Variants in HMCN1 observed in about 807,000 individuals in gnomAD.
HMCN1 encodes the protein hemicentin-1.
In HMCN1, 321 loss-of-function variants were observed where a neutral mutation model predicts 625.9. The ratio of observed to expected loss-of-function variants is 0.51; its 90% CI spans 0.47 to 0.56. The LOEUF is 0.56. Ranked by LOEUF, HMCN1 falls within the 20% of genes least tolerant of loss-of-function variation. The pLI, the probability that HMCN1 is intolerant of heterozygous loss-of-function variation, is 0.00. For missense variants in HMCN1, 6,588 were observed against 6,887.3 expected, an observed-to-expected ratio of 0.96 and a Z score of 1.54; for synonymous variants, 2,425 against 2,417.6, an observed-to-expected ratio of 1.00 and a Z score of -0.09.
intron 1 of HMCN1, among the ~76,000 whole-genome samples, chr1:185,832,874 T>A (rs181466332): frequency 4.5e-4 from 69 of 152,350 alleles, no homozygotes; most frequent in African/African-American, 1.6e-3. Flanking sequence ...TCTAATTTAC[T>A]TAATTTATAA....
intron 4 of HMCN1, among the ~76,000 whole-genome samples, chr1:185,905,632 T>A (rs949930626): frequency 6.6e-6 from 1 of 151,852 alleles, no homozygotes; most frequent in Non-Finnish European, 1.5e-5. Flanking sequence ...CTATTCCTAA[T>A]GTCTTATCAT....
Position 186,045,798 on chromosome 1 carries a change from A to G in HMCN1, c.6415A>G (p.Lys2139Glu). Residue 2139 changes from lysine (K) to glutamate (E), a missense_variant, in exon 41 of 107, where the codon AAA (lysine) becomes GAA (glutamate). Lys to Glu is a moderately conservative substitution (Grantham distance 56). Transcript: ENST00000271588. ...TCCCCCACCTACTCTTACTTGGTTAAAAGACGGCCACCCCTTGCTGAAGAA... is the reference window on the plus strand; with the variant it reads ...TCCCCCACCTACTCTTACTTGGTTAGAAGACGGCCACCCCTTGCTGAAGAA... ...AIPPPTLTWLKDGHPLLKKPG... is the reference protein window; with the variant it reads ...AIPPPTLTWLEDGHPLLKKPG... 1 of 1,613,248 alleles carries G rather than the reference A, an allele frequency of 6.2e-7. No individual in the cohort carries two copies. Among genetic ancestry groups the G allele is most frequent in the Non-Finnish European group, 8.5e-7 (1 of 1,179,388 alleles).
chr1:185,784,958 A>T (rs963521599), intron 1 of HMCN1, among the ~76,000 whole-genome samples: 25 of 152,176 alleles, frequency 1.6e-4, no homozygotes, highest in South Asian at 4.1e-4. Flanking sequence ...ATCATAGAGT[A>T]TGTACTCATT....
chr1:185,982,119 C>A, intron 17 of HMCN1, 143 bp from the exon 18 acceptor site: 1 of 827,816 alleles, frequency 1.2e-6, no homozygotes, highest in Non-Finnish European at 2.1e-6. Context: ...CTTTCAAAAT[C>A]ATACCCATTT....
rs1454982726 is a variant in HMCN1, at chr1:186,088,282, G to A, written c.9577+6G>A. On this transcript the variant is annotated splice_donor_region_variant and intron_variant, in intron 62 of 106. Coordinates refer to ENST00000271588, the MANE Select transcript of HMCN1 (RefSeq NM_031935.3). ...AAAGAACCACAAGCGCATAGGTAAG[G>A]CAACCATGCATTTTTGTGTGTGTGT... The A allele has an allele frequency of 6.2e-7, 1 of 1,612,472 alleles. No individual in the cohort carries two copies. The highest frequency in any genetic ancestry group is 8.5e-7 in the Non-Finnish European group (1 of 1,179,018).
chr1:185,813,545 T>C (rs999662480), intron 1 of HMCN1, among the ~76,000 whole-genome samples: 6 of 152,146 alleles, frequency 3.9e-5, no homozygotes, highest in African/African-American at 1.4e-4. Context: ...AAAAGGTATA[T>C]ATAATATATG....
intron 37 of HMCN1, 52 bp from the exon 38 acceptor site, chr1:186,038,777 A>T (rs1264283515): frequency 1.9e-6 from 2 of 1,063,672 alleles, no homozygotes; most frequent in Non-Finnish European, 2.9e-6. Context: ...AACTTAGTAT[A>T]TTTAATTTAA....
intron 68 of HMCN1, among the ~76,000 whole-genome samples, chr1:186,097,910 A>G (rs567292888): frequency 6.5e-4 from 99 of 152,304 alleles, no homozygotes; most frequent in African/African-American, 2.2e-3. Context: ...ATCTACAGCC[A>G]CCTGATTTTT....
At chr1:185,826,187 A>G (rs1315306059) in intron 1 of HMCN1, among the ~76,000 whole-genome samples, 1 of 152,212 alleles carries the variant, frequency 6.6e-6, no homozygotes, top group Non-Finnish European at 1.5e-5. Context: ...CAATTCCTGA[A>G]TGTATAAAAC....
At chr1:186,153,232 T>C (rs1218973276) in intron 96 of HMCN1, among the ~76,000 whole-genome samples, 1 of 152,210 alleles carries the variant, frequency 6.6e-6, no homozygotes. Context: ...TGTTTATTCA[T>C]GACCTATAAC....
intron 73 of HMCN1, 67 bp from the exon 74 acceptor site, chr1:186,114,752 C>T: frequency 1.9e-6 from 3 of 1,574,020 alleles, no homozygotes; most frequent in Non-Finnish European, 2.6e-6. Flanking sequence ...TAACATTTCC[C>T]TCAGTCAAAA....
chr1:186,090,175 A>G (rs1466595114), intron 63 of HMCN1, among the ~76,000 whole-genome samples: 1 of 87,834 alleles, frequency 1.1e-5, no homozygotes, highest in African/African-American at 9.8e-5. Flanking sequence ...TTTATTACGC[A>G]ATATTTCTCA....
chr1:186,088,839 G>A, intron 63 of HMCN1, 84 bp downstream of exon 63: 2 of 1,316,676 alleles, frequency 1.5e-6, no homozygotes, highest in Non-Finnish European at 2.1e-6. Flanking sequence ...AAAGGTATCA[G>A]TAGTAATTGA....
At position 186,148,900 on chromosome 1, in the gene HMCN1, C is replaced by CACATGTCA. The variant is rs1164892784; in HGVS notation, c.14609-2299_14609-2292dup. 7.2e-5 allele frequency among the ~76,000 whole-genome samples: 11 copies of CACATGTCA among 151,926 alleles called. No homozygotes were observed. In the East Asian group the frequency reaches 2.1e-3, roughly 29 times the overall value. On this transcript the variant is annotated intron_variant, in intron 93 of 106. Coordinates refer to ENST00000271588, the MANE Select transcript of HMCN1 (RefSeq NM_031935.3). ...CCATTAGACCTCTGCAGTGAACATT[C>CACATGTCA]ACATGTCAGTGGGCAGTAATACTTT... is the stretch of plus-strand genomic sequence containing the variant.
rs755615594 is a variant in HMCN1, at chr1:186,053,952, G to A, written c.6828G>A (p.Gly2276=). 6.2e-6 allele frequency: 10 copies of A among 1,612,552 alleles called. No homozygotes were observed. The Admixed American group carries it at 1.2e-4, about 19-fold the overall frequency. ...CATGTGTGGCGTCGAATGTTGCTGG[G>A]ACTGCAAAGAAAGAATACAATCTGC... ...LYSCVASNVA[G]TAKKEYNLQV... is the part of the protein sequence containing the mutation. The change falls in exon 44 of 107, where the codon GGG becomes GGA. Residue 2276 remains glycine, a synonymous_variant. Transcript: ENST00000271588.
chr1:186,088,872 A>C, intron 63 of HMCN1, 117 bp downstream of exon 63: 1 of 982,008 alleles, frequency 1.0e-6, no homozygotes, highest in Non-Finnish European at 1.5e-6. Flanking sequence ...TTAGATCATC[A>C]AAAACTATCA....
Position 186,093,504 on chromosome 1 carries a change from G to A in HMCN1, c.10031G>A (p.Gly3344Asp), listed in dbSNP as rs1410211778. The A allele has an allele frequency of 1.2e-6, 2 of 1,613,230 alleles. No homozygotes were observed. The highest frequency in any genetic ancestry group is 8.5e-7 in the Non-Finnish European group (1 of 1,179,484). The change falls in exon 66 of 107, where the codon GGT becomes GAT. Residue 3344 changes from glycine to aspartate, a missense_variant. Gly to Asp is a moderately conservative substitution (Grantham distance 94, BLOSUM62 -1). Coordinates refer to ENST00000271588, the MANE Select transcript of HMCN1 (RefSeq NM_031935.3). ...LNVYVTPTIR[G>D]NKDEAEKLMT... ...AACATAGTTACACCTACAATTAGGG[G>A]TAATAAAGATGAAGCAGAGAAACTA...
intron 6 of HMCN1, among the ~76,000 whole-genome samples, chr1:185,914,090 T>A (rs1326478956): frequency 6.6e-6 from 1 of 152,144 alleles, no homozygotes; most frequent in Non-Finnish European, 1.5e-5. Flanking sequence ...AGTGTAGGAT[T>A]AGTGCTAACA....
At chr1:185,763,740 T>C (rs974854067) in intron 1 of HMCN1, among the ~76,000 whole-genome samples, 1 of 152,196 alleles carries the variant, frequency 6.6e-6, no homozygotes, top group Admixed American at 6.5e-5. Flanking sequence ...TTATGTCTGT[T>C]TTACAGATTA....
Sources: allele counts gnomAD v4.1 joint callset (sites outside exome capture counted in the v4.1 genomes callset), GRCh38; gene constraint gnomAD v4.1.1; transcripts MANE v1.5; gene names NCBI Gene and HGNC (gene_info 2026-07-23, HGNC 2026-07-21).